GPM6A: variants seen among roughly 807,000 people sequenced by gnomAD.
GPM6A encodes neuronal membrane glycoprotein M6-a.
In GPM6A, 7 loss-of-function variants were observed where a neutral mutation model predicts 32.1. That is an observed-to-expected ratio of 0.22 (90% confidence interval 0.12 to 0.41). The LOEUF is 0.41. Ranked by LOEUF, GPM6A falls within the 10% of genes least tolerant of loss-of-function variation. GPM6A has a pLI of 1.00. For missense variants in GPM6A, 235 were observed against 347.2 expected (o/e 0.68, Z 2.57); for synonymous variants, 130 against 123.4 (o/e 1.05, Z -0.35).
At chr4:175,885,038 T>G (rs1189382128) in intron 1 of GPM6A, among the ~76,000 whole-genome samples, 3 of 152,168 alleles carry the variant, frequency 2.0e-5, no homozygotes, top group Non-Finnish European at 4.4e-5. Context: ...TTCCGCTCTA[T>G]AGGAAGATAT....
At position 175,927,721 on chromosome 4, in the gene GPM6A, T is replaced by TA. The variant is rs369841356; in HGVS notation, c.-23+74587dup. On this transcript the variant is annotated intron_variant, in intron 1 of 7. Transcript: ENST00000280187. The stretch of plus-strand genomic sequence containing the variant: ...ACAACATGGTGAAACACCATCTCTA[T>TA]AAAAAATAGAAAAATTAGCAGAGCG... Among the ~76,000 whole-genome samples, 432 of 152,182 alleles carry TA rather than the reference T, an allele frequency of 2.8e-3. 3 individuals carry two copies. Among genetic ancestry groups the TA allele is most frequent in the African/African-American group, 9.5e-3 (394 of 41,542 alleles).
intron 1 of GPM6A, among the ~76,000 whole-genome samples, chr4:175,936,480 A>G (rs532313598): frequency 6.6e-6 from 1 of 152,212 alleles, no homozygotes; most frequent in East Asian, 1.9e-4. Context: ...AGTTACCCAG[A>G]GAGCAGTTGG....
intron 1 of GPM6A, among the ~76,000 whole-genome samples, chr4:175,799,618 AAC>A (rs1734381165): frequency 3.9e-5 from 6 of 152,012 alleles, no homozygotes; most frequent in African/African-American, 1.4e-4. Context: ...ACTGAGGTAT[AAC>A]AGACAACTCC....
At chr4:175,819,557 A>C (rs1163040536) in intron 1 of GPM6A, among the ~76,000 whole-genome samples, 1 of 152,158 alleles carries the variant, frequency 6.6e-6, no homozygotes, top group Non-Finnish European at 1.5e-5. Context: ...TTTAACCTTC[A>C]CCACAACAGC....
chr4:175,848,368 T>C (rs1487238495), intron 1 of GPM6A, among the ~76,000 whole-genome samples: 1 of 152,198 alleles, frequency 6.6e-6, no homozygotes, highest in Non-Finnish European at 1.5e-5. Context: ...CTTCTGGGAC[T>C]CATCAGATGA....
chr4:175,841,219 A>T (rs1418332411), intron 1 of GPM6A, among the ~76,000 whole-genome samples: 1 of 152,204 alleles, frequency 6.6e-6, no homozygotes, highest in Non-Finnish European at 1.5e-5. Context: ...AAATATTTGC[A>T]TATATAAATT....
At chr4:175,744,929 A>G (rs1732037744) in intron 1 of GPM6A, among the ~76,000 whole-genome samples, 1 of 152,178 alleles carries the variant, frequency 6.6e-6, no homozygotes. Flanking sequence ...AGGAAATATA[A>G]ATTGTTAAAC....
At chr4:175,697,424 C>T (rs1464755400) in intron 2 of GPM6A, among the ~76,000 whole-genome samples, 1 of 152,100 alleles carries the variant, frequency 6.6e-6, no homozygotes. Flanking sequence ...AAATGTCCTC[C>T]TCATCACATA....
At chr4:175,668,478 T>C (rs926587124) in intron 3 of GPM6A, among the ~76,000 whole-genome samples, 7 of 126,284 alleles carry the variant, frequency 5.5e-5, no homozygotes, top group Non-Finnish European at 8.8e-5. Context: ...CAAGGCTTTG[T>C]TCTAGGAATT....
chr4:175,937,515 A>T (rs890426457), intron 1 of GPM6A, among the ~76,000 whole-genome samples: 96 of 152,162 alleles, frequency 6.3e-4, no homozygotes, highest in African/African-American at 2.1e-3. Context: ...GACATGTACA[A>T]ATGGAGCTGA....
At chr4:175,789,929 G>A (rs1733946464) in intron 1 of GPM6A, among the ~76,000 whole-genome samples, 1 of 152,140 alleles carries the variant, frequency 6.6e-6, no homozygotes, top group African/African-American at 2.4e-5. Context: ...AATTGCCATT[G>A]ATAGCAAATA....
At chr4:175,803,149 T>G (rs1734538955) in intron 1 of GPM6A, among the ~76,000 whole-genome samples, 1 of 136,046 alleles carries the variant, frequency 7.4e-6, no homozygotes, top group Non-Finnish European at 1.6e-5. Flanking sequence ...CTTCTCTTTC[T>G]CCTCCTGTTC....
intron 1 of GPM6A, among the ~76,000 whole-genome samples, chr4:175,927,168 G>T (rs1738868955): frequency 6.6e-6 from 1 of 152,210 alleles, no homozygotes; most frequent in Non-Finnish European, 1.5e-5. Context: ...ACCAACACAA[G>T]AAATGTATAG....
At chr4:175,892,904 C>T (rs1737689400) in intron 1 of GPM6A, among the ~76,000 whole-genome samples, 1 of 152,206 alleles carries the variant, frequency 6.6e-6, no homozygotes, top group South Asian at 2.1e-4. Context: ...TTTTTGGGTG[C>T]TTGGCATTTC....
chr4:175,956,434 A>G (rs1739987346), intron 1 of GPM6A, among the ~76,000 whole-genome samples: 1 of 152,118 alleles, frequency 6.6e-6, no homozygotes, highest in African/African-American at 2.4e-5. Context: ...TCTATTTTTA[A>G]TCTCTTCTTT....
At chr4:175,789,914 A>G (rs1205890277) in intron 1 of GPM6A, among the ~76,000 whole-genome samples, 2 of 152,198 alleles carry the variant, frequency 1.3e-5, no homozygotes, top group African/African-American at 4.8e-5. Context: ...AAAGAGCTAA[A>G]TAGAAATTGC....
At chr4:175,948,333 G>C (rs1739680909) in intron 1 of GPM6A, among the ~76,000 whole-genome samples, 1 of 152,188 alleles carries the variant, frequency 6.6e-6, no homozygotes, top group Non-Finnish European at 1.5e-5. Context: ...AAAGACATGA[G>C]AGAAATGATT....
chr4:175,998,908 A>ATCATGTAAATTCTAAATTCCTC (rs11273591), intron 1 of GPM6A, among the ~76,000 whole-genome samples: 135,525 of 151,752 alleles, frequency 0.89, 60,876 homozygotes, highest in Non-Finnish European at 0.94. Context: ...CCTACCTCCT[A>ATCATGTAAATTCTAAATTCCTC]TCATTGCTTT....
intron 1 of GPM6A, among the ~76,000 whole-genome samples, chr4:175,745,679 G>A (rs1732074524): frequency 6.6e-6 from 1 of 152,104 alleles, no homozygotes; most frequent in Admixed American, 6.6e-5. Flanking sequence ...CTCAACTATG[G>A]AAAGATAAGA....
Sources: allele counts gnomAD v4.1 joint callset (sites outside exome capture counted in the v4.1 genomes callset), GRCh38; gene constraint gnomAD v4.1.1; transcripts MANE v1.5; gene names NCBI Gene and HGNC (gene_info 2026-07-23, HGNC 2026-07-21).